Variants in ADGRL3 observed in about 807,000 individuals in gnomAD.
ADGRL3 encodes calcium-independent alpha-latrotoxin receptor 3.
A neutral mutation model predicts 153.5 loss-of-function variants in ADGRL3; 62 were observed. The observed-to-expected ratio is 0.40, with a 90% confidence interval of 0.33 to 0.50. ADGRL3 has a LOEUF of 0.50. Ranked by LOEUF, ADGRL3 falls within the 20% of genes least tolerant of loss-of-function variation. The pLI, the probability that ADGRL3 is intolerant of heterozygous loss-of-function variation, is 0.47. For missense variants in ADGRL3, 1,641 were observed against 1,859.4 expected, an observed-to-expected ratio of 0.88 and a Z score of 2.16; for synonymous variants, 710 against 672.5, an observed-to-expected ratio of 1.06 and a Z score of -0.86.
At chr4:61,954,975 C>G (rs1029921863) in intron 17 of ADGRL3, among the ~76,000 whole-genome samples, 3 of 152,122 alleles carry the variant, frequency 2.0e-5, no homozygotes, top group Non-Finnish European at 4.4e-5. Context: ...AGCTAGGTCC[C>G]CTCAGGCAGA....
rs189496820 is a variant in ADGRL3, at chr4:61,452,248, G to A, written c.-173-44873G>A. Among the ~76,000 whole-genome samples the A allele has an allele frequency of 4.6e-5, 7 of 152,240 alleles. No homozygotes were observed. The East Asian group carries it at 1.4e-3, about 29-fold the overall frequency. On this transcript the variant is annotated intron_variant, in intron 2 of 26. Coordinates refer to ENST00000683033, the MANE Select transcript of ADGRL3 (RefSeq NM_001387552.1). ...ACCTCATTCCGGGACTGCTCTGGAA[G>A]GTCATCTTGCAGCCTCCTGGGGGAA...
intron 11 of ADGRL3, among the ~76,000 whole-genome samples, chr4:61,898,880 G>A (rs992023563): frequency 6.6e-6 from 1 of 152,114 alleles, no homozygotes; most frequent in African/African-American, 2.4e-5. Context: ...GCCTCCCAAA[G>A]TGCTAGGATT....
chr4:61,300,880 A>T (rs1033838217), intron 1 of ADGRL3, among the ~76,000 whole-genome samples: 3 of 149,360 alleles, frequency 2.0e-5, no homozygotes, highest in Non-Finnish European at 4.4e-5. Context: ...ATTGTCTGCC[A>T]CAGCCTCCCG....
chr4:61,231,485 A>G (rs1181922601), intron 1 of ADGRL3, among the ~76,000 whole-genome samples: 8 of 151,942 alleles, frequency 5.3e-5, no homozygotes, highest in Non-Finnish European at 1.2e-4. Context: ...TTGGGTCTTC[A>G]TTCTTTTCTT....
chr4:61,961,934 C>T (rs972646932), intron 17 of ADGRL3, among the ~76,000 whole-genome samples: 2 of 152,080 alleles, frequency 1.3e-5, no homozygotes, highest in Non-Finnish European at 2.9e-5. Flanking sequence ...CTCATATACC[C>T]CTTTTTCTGA....
At chr4:61,804,615 A>T (rs1327465232) in intron 8 of ADGRL3, among the ~76,000 whole-genome samples, 1 of 152,174 alleles carries the variant, frequency 6.6e-6, no homozygotes, top group African/African-American at 2.4e-5. Context: ...GTTGAGCTAC[A>T]CTTAGTTTAT....
intron 2 of ADGRL3, among the ~76,000 whole-genome samples, chr4:61,493,602 G>A (rs1051143475): frequency 6.6e-6 from 1 of 152,000 alleles, no homozygotes; most frequent in Non-Finnish European, 1.5e-5. Flanking sequence ...TGAAAAATGC[G>A]CCACTGTAAT....
intron 1 of ADGRL3, among the ~76,000 whole-genome samples, chr4:61,278,769 G>C (rs1371245013): frequency 6.6e-6 from 1 of 152,152 alleles, no homozygotes; most frequent in Non-Finnish European, 1.5e-5. Context: ...GCCTCCTAAA[G>C]TGCTGGGATT....
At chr4:61,495,777 T>C (rs1004887114) in intron 2 of ADGRL3, among the ~76,000 whole-genome samples, 22 of 152,300 alleles carry the variant, frequency 1.4e-4, no homozygotes, top group African/African-American at 5.1e-4. Flanking sequence ...CATCTTGAAT[T>C]GTACAATCCT....
chr4:61,353,822 T>TTTTA (rs113121530), intron 1 of ADGRL3, among the ~76,000 whole-genome samples: 1 of 151,884 alleles, frequency 6.6e-6, no homozygotes, highest in Non-Finnish European at 1.5e-5. Flanking sequence ...TTTAGCATTT[T>TTTTA]TGTAGATGAT....
intron 1 of ADGRL3, among the ~76,000 whole-genome samples, chr4:61,266,044 A>G (rs983155948): frequency 6.6e-6 from 1 of 151,858 alleles, no homozygotes; most frequent in Non-Finnish European, 1.5e-5. Context: ...ACAGGATGTG[A>G]TAACTTGATA....
chr4:61,243,931 A>G (rs1242549983), intron 1 of ADGRL3, among the ~76,000 whole-genome samples: 1 of 152,044 alleles, frequency 6.6e-6, no homozygotes, highest in Non-Finnish European at 1.5e-5. Context: ...TACTAAAAAT[A>G]TTTTCATGAA....
At chr4:61,344,818 C>T (rs1380332740) in intron 1 of ADGRL3, among the ~76,000 whole-genome samples, 1 of 151,696 alleles carries the variant, frequency 6.6e-6, no homozygotes, top group African/African-American at 2.4e-5. Context: ...TGGAGTTTCC[C>T]TCTTGTTGCC....
In ADGRL3 at chr4:61,934,958, G is replaced by A; in HGVS notation, c.2231G>A (p.Ser744Asn). The change falls in exon 14 of 27, where the codon AGT (serine) becomes AAT (asparagine). Residue 744 changes from serine (S) to asparagine (N), a missense_variant. Ser to Asn is a conservative substitution (Grantham distance 46, BLOSUM62 1). Around this residue, in one of 5 missense-constraint regions of ADGRL3, gnomAD observed 734 missense variants for 797.0 expected, o/e 0.92. Coordinates refer to ENST00000683033, the MANE Select transcript of ADGRL3 (RefSeq NM_001387552.1). ...ATGTTGCTTCATACTGTGGAGGAAAGTGCTTTTGTGCTGGCTGATAACCTT... is the reference window on the plus strand; with the variant it reads ...ATGTTGCTTCATACTGTGGAGGAAAATGCTTTTGTGCTGGCTGATAACCTT... ...ATMLLHTVEE[S>N]AFVLADNLLK... is the part of the protein sequence containing the mutation. 8.7e-6 allele frequency: 14 copies of A among 1,613,888 alleles called. No individual in the cohort carries two copies. The highest frequency in any genetic ancestry group is 1.3e-5 in the African/African-American group (1 of 75,044).
chr4:61,805,631 A>G (rs543889014), intron 8 of ADGRL3, among the ~76,000 whole-genome samples: 1 of 152,322 alleles, frequency 6.6e-6, no homozygotes, highest in African/African-American at 2.4e-5. Flanking sequence ...CAGTTCTGTT[A>G]AATAGATGGA....
intron 2 of ADGRL3, among the ~76,000 whole-genome samples, chr4:61,423,956 A>C (rs1431983527): frequency 2.6e-5 from 4 of 152,106 alleles, no homozygotes; most frequent in Non-Finnish European, 5.9e-5. Flanking sequence ...GGAGGCCAAT[A>C]AGGGTGAATG....
chr4:61,958,299 CA>C (rs1267206962), intron 17 of ADGRL3, among the ~76,000 whole-genome samples: 1 of 152,004 alleles, frequency 6.6e-6, no homozygotes, highest in Non-Finnish European at 1.5e-5. Context: ...CTTACATATC[CA>C]AAAAGTGTCT....
intron 25 of ADGRL3, among the ~76,000 whole-genome samples, chr4:62,063,291 A>T (rs1487131672): frequency 1.3e-5 from 2 of 152,098 alleles, no homozygotes; most frequent in Non-Finnish European, 2.9e-5. Flanking sequence ...TCAACATTGT[A>T]AATCATTTTC....
intron 6 of ADGRL3, among the ~76,000 whole-genome samples, chr4:61,681,927 C>T (rs2095344944): frequency 6.6e-6 from 1 of 151,776 alleles, no homozygotes. Context: ...CCTTTTTCTG[C>T]TTCATATATA....
Sources: gnomAD v4.1 joint callset for allele counts (sites outside exome capture counted in the v4.1 genomes callset) on GRCh38, gnomAD v4.1.1 for gene constraint, gnomAD v4.1.1 regional missense constraint, MANE v1.5 for transcripts, NCBI Gene and HGNC (gene_info 2026-07-23, HGNC 2026-07-21) for gene names.